The following ACOT7 variants were observed in gnomAD, a reference collection of about 807,000 sequenced individuals.
ACOT7 encodes the protein acyl-CoA thioesterase 7.
ACOT7 carries 12 observed loss-of-function variants against 40.2 expected under a neutral mutation model. That is an observed-to-expected ratio of 0.30 (90% confidence interval 0.19 to 0.48). The LOEUF (loss-of-function observed/expected upper bound fraction) is 0.48, where lower values mean the gene tolerates loss of function less well. Among genes scored for constraint, ACOT7 ranks in the 20% least tolerant of loss-of-function variants. The probability of loss-of-function intolerance (pLI) is 0.99; values close to 1 mark genes in which losing one functional copy is unlikely to be tolerated. For synonymous variants in ACOT7, 228 were observed against 219.5 expected (o/e 1.04, Z -0.34); for missense variants, 395 against 530.8 (o/e 0.74, Z 2.51).
rs563026803 is a variant in ACOT7, at chr1:6,372,554, C to CTTTTTTT, written c.143+20696_143+20702dup. Among the ~76,000 whole-genome samples, 36 of 128,582 alleles carry CTTTTTTT rather than the reference C, an allele frequency of 2.8e-4. 1 individual carries two copies. Among genetic ancestry groups the CTTTTTTT allele is most frequent in the African/African-American group, 4.5e-4 (15 of 33,454 alleles). The allele number at this position is 128,582 out of a possible 152,430, so 84.4% of individuals were successfully genotyped here. A position where few individuals can be genotyped will look rare whatever the true frequency, so the allele number is the denominator to read the frequency against. On this transcript the variant is annotated intron_variant, in intron 1 of 8. Coordinates refer to ENST00000361521, the MANE Select transcript of ACOT7 (RefSeq NM_007274.4). ...AAGTTTAATCATGTCTAACTTTTGG[C>CTTTTTTT]TTTTTTTTTTTTTTTTTTGAGAGTC...
chr1:6,297,138 A>G (rs1639833597), intron 6 of ACOT7, among the ~76,000 whole-genome samples: 1 of 152,020 alleles, frequency 6.6e-6, no homozygotes, highest in Non-Finnish European at 1.5e-5. Context: ...TCCCAGGTTC[A>G]AGCTATTCTC....
In ACOT7 at chr1:6,316,985, A is replaced by C. The variant is rs548036324; in HGVS notation, c.712+1507T>G. 5.9e-5 allele frequency among the ~76,000 whole-genome samples: 9 copies of C among 152,366 alleles called. No homozygotes were observed. In the East Asian group the frequency reaches 1.7e-3, roughly 29 times the overall value. On this transcript the variant is annotated intron_variant, in intron 6 of 8. Transcript: ENST00000361521. ...CCTGGTAGAAATATAAATGTAAGCCAGCACAGAGTGGTGTCGTTTGAGCTG... is the reference window on the plus strand; with the variant it reads ...CCTGGTAGAAATATAAATGTAAGCCCGCACAGAGTGGTGTCGTTTGAGCTG...
intron 6 of ACOT7, among the ~76,000 whole-genome samples, chr1:6,308,672 AG>A (rs1476471908): frequency 2.0e-5 from 3 of 151,264 alleles, no homozygotes; most frequent in African/African-American, 4.9e-5. Flanking sequence ...CAACAGGCAG[AG>A]GGAACCACGA....
intron 5 of ACOT7, 100 bp from the exon 6 acceptor site, chr1:6,318,678 C>G (rs995570943): frequency 8.4e-7 from 1 of 1,188,236 alleles, no homozygotes; most frequent in East Asian, 2.6e-5. Flanking sequence ...ACACAGTCAA[C>G]GAAGGCGTCC....
At chr1:6,388,477 A>G (rs1642477326) in intron 1 of ACOT7, among the ~76,000 whole-genome samples, 1 of 150,604 alleles carries the variant, frequency 6.6e-6, no homozygotes, top group South Asian at 2.2e-4. Context: ...AGTGGCTCAC[A>G]CCTGTAATTC....
intron 6 of ACOT7, among the ~76,000 whole-genome samples, chr1:6,309,100 G>A (rs1640260066): frequency 1.3e-5 from 2 of 152,226 alleles, no homozygotes; most frequent in Admixed American, 6.5e-5. Context: ...CTTGGGGCTG[G>A]CAGAGCAGGC....
intron 2 of ACOT7, among the ~76,000 whole-genome samples, chr1:6,345,273 C>T (rs1230559267): frequency 1.3e-5 from 2 of 152,332 alleles, no homozygotes; most frequent in Admixed American, 6.5e-5. Context: ...TCACACGGCC[C>T]GTGAGGCACA....
intron 8 of ACOT7, among the ~76,000 whole-genome samples, chr1:6,265,178 C>T (rs539342687): frequency 1.3e-5 from 2 of 152,216 alleles, no homozygotes; most frequent in African/African-American, 4.8e-5. Context: ...ATTCGCTGCA[C>T]TCCCAGGAAA....
intron 8 of ACOT7, 78 bp downstream of exon 8, chr1:6,281,024 T>G: frequency 6.5e-7 from 1 of 1,530,716 alleles, no homozygotes; most frequent in East Asian, 2.4e-5. Flanking sequence ...AGGCACAGAT[T>G]CCCCCTGGAG....
At chr1:6,365,788 TTGC>T (rs1641998357) in intron 1 of ACOT7, among the ~76,000 whole-genome samples, 1 of 151,706 alleles carries the variant, frequency 6.6e-6, no homozygotes, top group African/African-American at 2.4e-5. Context: ...AAAAAATTTA[TTGC>T]TAAAAAATGC....
intron 1 of ACOT7, among the ~76,000 whole-genome samples, chr1:6,381,651 A>G (rs1642337157): frequency 6.6e-6 from 1 of 151,936 alleles, no homozygotes; most frequent in African/African-American, 2.4e-5. Context: ...TTAAAATAGA[A>G]TTGCCATATG....
intron 1 of ACOT7, among the ~76,000 whole-genome samples, chr1:6,350,351 C>T (rs75027779): frequency 0.045 from 6,900 of 152,276 alleles, 211 homozygotes; most frequent in African/African-American, 0.072. Context: ...AGCTTCAAGA[C>T]CCCAGGCCCT....
intron 8 of ACOT7, among the ~76,000 whole-genome samples, chr1:6,270,632 G>A (rs1639005333): frequency 6.6e-6 from 1 of 152,218 alleles, no homozygotes; most frequent in Non-Finnish European, 1.5e-5. Flanking sequence ...GTGGCCCAGG[G>A]CCAGGTTTGT....
At chr1:6,265,715 G>A (rs1273598958) in intron 8 of ACOT7, among the ~76,000 whole-genome samples, 1 of 152,202 alleles carries the variant, frequency 6.6e-6, no homozygotes, top group Non-Finnish European at 1.5e-5. Flanking sequence ...GCCCCACCCT[G>A]GCTGGGAATT....
At chr1:6,320,315 T>C (rs1267116329) in intron 5 of ACOT7, among the ~76,000 whole-genome samples, 1 of 152,212 alleles carries the variant, frequency 6.6e-6, no homozygotes, top group African/African-American at 2.4e-5. Context: ...CCTCACATCA[T>C]TTTGAAACTG....
At chr1:6,351,339 A>T (rs186842528) in intron 1 of ACOT7, among the ~76,000 whole-genome samples, 68 of 152,358 alleles carry the variant, frequency 4.5e-4, no homozygotes, top group African/African-American at 1.2e-3. Flanking sequence ...TGGCCGGGGG[A>T]TCCCCAGAGC....
intron 1 of ACOT7, among the ~76,000 whole-genome samples, chr1:6,387,809 A>G (rs1642463277): frequency 6.6e-6 from 1 of 152,244 alleles, no homozygotes; most frequent in African/African-American, 2.4e-5. Context: ...TCTCTGGGTT[A>G]CAAAGACTGC....
At chr1:6,327,454 G>A (rs375678073) in intron 4 of ACOT7, 41 bp from the exon 5 acceptor site, 2 of 1,596,032 alleles carry the variant, frequency 1.3e-6, no homozygotes, top group Admixed American at 1.7e-5. Context: ...GGCAGGACAC[G>A]GCCTCCTCCC....
intron 1 of ACOT7, among the ~76,000 whole-genome samples, chr1:6,374,147 G>A (rs766406987): frequency 6.6e-6 from 1 of 152,226 alleles, no homozygotes; most frequent in Non-Finnish European, 1.5e-5. Flanking sequence ...GTGGCAGCAG[G>A]TGCGATGAAG....
Sources: gnomAD v4.1 joint callset for allele counts (sites outside exome capture counted in the v4.1 genomes callset) on GRCh38, gnomAD v4.1.1 for gene constraint, MANE v1.5 for transcripts, NCBI Gene and HGNC (gene_info 2026-07-23, HGNC 2026-07-21) for gene names.